PRKCE: variants seen among roughly 807,000 people sequenced by gnomAD.
The protein encoded by PRKCE is protein kinase C epsilon.
PRKCE carries 16 observed loss-of-function variants against 85.4 expected under a neutral mutation model. The observed-to-expected ratio is 0.19, with a 90% confidence interval of 0.13 to 0.28. The LOEUF (loss-of-function observed/expected upper bound fraction) is 0.28. PRKCE is among the 10% of genes least tolerant of loss of function. The probability of loss-of-function intolerance (pLI) is 1.00; values close to 1 mark genes in which losing one functional copy is unlikely to be tolerated. For missense variants in PRKCE, 573 were observed against 975.2 expected (o/e 0.59, Z 5.49); for synonymous variants, 388 against 371.5 (o/e 1.04, Z -0.51).
chr2:46,051,352 C>G (rs369210339), intron 10 of PRKCE, among the ~76,000 whole-genome samples: 2 of 152,180 alleles, frequency 1.3e-5, no homozygotes, highest in Admixed American at 6.5e-5. Context: ...CACCTTCTCT[C>G]TGATCTGTGA....
In PRKCE at chr2:45,958,817, T is replaced by TATATATATATA. The variant is rs1491498471; in HGVS notation, c.413-17612_413-17611insATATATATATA. ...ATATATATATATATATATATATATATTTTTTTTTTTTTTTTTTTTTTTTTT... is the reference window on the plus strand; with the variant it reads ...ATATATATATATATATATATATATATATATATATATATTTTTTTTTTTTTTTTTTTTTTTTT... On this transcript the variant is annotated intron_variant, in intron 2 of 14. Coordinates refer to ENST00000306156, the MANE Select transcript of PRKCE (RefSeq NM_005400.3). Among the ~76,000 whole-genome samples the TATATATATATA allele has an allele frequency of 4.1e-3, 30 of 7,240 alleles. 3 individuals carry two copies. Among genetic ancestry groups the TATATATATATA allele is most frequent in the South Asian group, 0.012 (1 of 84 alleles). The allele number at this position is 7,240 out of a possible 152,430, so 4.7% of individuals were successfully genotyped here.
intron 10 of PRKCE, among the ~76,000 whole-genome samples, chr2:46,047,510 G>A (rs1708599279): frequency 6.6e-6 from 1 of 152,212 alleles, no homozygotes; most frequent in Non-Finnish European, 1.5e-5. Flanking sequence ...GTGGTCAGTG[G>A]AAGGAGGCCT....
At position 46,180,073 on chromosome 2, in the gene PRKCE, T is replaced by G. The variant is rs1303941391; in HGVS notation, c.2068-4662T>G. Among the ~76,000 whole-genome samples, 6 of 152,148 alleles carry G rather than the reference T, an allele frequency of 3.9e-5. No individual in the cohort carries two copies. In the East Asian group the frequency reaches 1.2e-3, roughly 29 times the overall value. ...AACCCAGTCTCTGCCTGCAAGGAGCTCATAGATTAGTTGAAAAGAAGAGGC... is the reference window on the plus strand; with the variant it reads ...AACCCAGTCTCTGCCTGCAAGGAGCGCATAGATTAGTTGAAAAGAAGAGGC... On this transcript the variant is annotated intron_variant, in intron 14 of 14. Transcript: ENST00000306156.
chr2:46,104,194 C>G (rs910930767), intron 11 of PRKCE, among the ~76,000 whole-genome samples: 1 of 152,072 alleles, frequency 6.6e-6, no homozygotes, highest in Non-Finnish European at 1.5e-5. Context: ...GCTTTGGAAG[C>G]CTTCGTCTCC....
intron 1 of PRKCE, among the ~76,000 whole-genome samples, chr2:45,831,367 A>G (rs959682860): frequency 1.3e-5 from 2 of 152,254 alleles, no homozygotes; most frequent in Non-Finnish European, 1.5e-5. Flanking sequence ...CAACCTTGAT[A>G]GGTTAAGAGT....
chr2:45,984,889 C>A (rs1005669640), intron 6 of PRKCE, among the ~76,000 whole-genome samples: 2 of 152,108 alleles, frequency 1.3e-5, no homozygotes, highest in African/African-American at 4.8e-5. Flanking sequence ...AGGGAAACAC[C>A]GAGGAAGGAG....
intron 2 of PRKCE, among the ~76,000 whole-genome samples, chr2:45,918,332 T>C (rs1034732593): frequency 1.3e-5 from 2 of 152,260 alleles, no homozygotes; most frequent in African/African-American, 4.8e-5. Context: ...ATGTAGGCTT[T>C]AGCTTTCTCT....
chr2:45,851,943 C>T (rs1692296533), intron 2 of PRKCE: 1 of 152,292 alleles, frequency 6.6e-6, no homozygotes, highest in African/African-American at 2.4e-5. Flanking sequence ...GGCCTGGGCT[C>T]CCGCAAAATG....
chr2:45,707,013 A>T (rs1345295536), intron 1 of PRKCE, among the ~76,000 whole-genome samples: 1 of 152,176 alleles, frequency 6.6e-6, no homozygotes, highest in Non-Finnish European at 1.5e-5. Context: ...TGACTGGGGA[A>T]CTAGCTCTCT....
At chr2:45,803,428 C>T (rs532972025) in intron 1 of PRKCE, among the ~76,000 whole-genome samples, 1 of 152,336 alleles carries the variant, frequency 6.6e-6, no homozygotes, top group Admixed American at 6.5e-5. Context: ...GGAATTTTGC[C>T]ATATGGACAG....
At chr2:46,116,424 A>G (rs1306297594) in intron 11 of PRKCE, among the ~76,000 whole-genome samples, 1 of 152,244 alleles carries the variant, frequency 6.6e-6, no homozygotes, top group African/African-American at 2.4e-5. Flanking sequence ...GGTTGCTTTC[A>G]TCCTAGTTTC....
intron 1 of PRKCE, among the ~76,000 whole-genome samples, chr2:45,777,185 T>C (rs1685818927): frequency 6.6e-6 from 1 of 152,226 alleles, no homozygotes; most frequent in South Asian, 2.1e-4. Flanking sequence ...TAGTGGGATC[T>C]AACCTTGTTG....
At chr2:46,008,166 G>GT (rs1705363647) in intron 9 of PRKCE, among the ~76,000 whole-genome samples, 1 of 152,170 alleles carries the variant, frequency 6.6e-6, no homozygotes. Flanking sequence ...TGTAATAAAT[G>GT]TTCTGTTTAT....
intron 2 of PRKCE, among the ~76,000 whole-genome samples, chr2:45,921,772 G>A (rs1698268762): frequency 6.6e-6 from 1 of 152,178 alleles, no homozygotes. Context: ...GGGGAGGAGT[G>A]TCATTTTGCT....
intron 2 of PRKCE, among the ~76,000 whole-genome samples, chr2:45,950,212 C>T (rs1459730069): frequency 6.6e-6 from 1 of 152,154 alleles, no homozygotes; most frequent in Non-Finnish European, 1.5e-5. Context: ...TGACCAAAGG[C>T]TGAAGCCGTC....
At chr2:45,822,967 T>G (rs1689656087) in intron 1 of PRKCE, among the ~76,000 whole-genome samples, 2 of 152,208 alleles carry the variant, frequency 1.3e-5, no homozygotes, top group Non-Finnish European at 2.9e-5. Flanking sequence ...TTTCATTTTT[T>G]GATTGGGTTC....
intron 10 of PRKCE, among the ~76,000 whole-genome samples, chr2:46,059,220 TAAGGCTACAGTGAGCCATGATC>T (rs1244019455): frequency 2.4e-5 from 3 of 126,136 alleles, no homozygotes; most frequent in African/African-American, 1.2e-4. Flanking sequence ...CCCAGGAGGT[TAAGGCTACAGTGAGCCATGATC>T]GCGCCGTTGC....
At chr2:46,169,603 G>C (rs1678690433) in intron 14 of PRKCE, among the ~76,000 whole-genome samples, 1 of 152,194 alleles carries the variant, frequency 6.6e-6, no homozygotes. Context: ...GAGATGGAAA[G>C]ATAAGCCCTC....
chr2:46,085,460 A>C (rs1484359894), intron 10 of PRKCE, among the ~76,000 whole-genome samples: 1 of 152,184 alleles, frequency 6.6e-6, no homozygotes, highest in Non-Finnish European at 1.5e-5. Context: ...GTCTAGCATC[A>C]CTGGGCCTAC....
Sources: gnomAD v4.1 joint callset for allele counts (sites outside exome capture counted in the v4.1 genomes callset) on GRCh38, gnomAD v4.1.1 for gene constraint, MANE v1.5 for transcripts, NCBI Gene and HGNC (gene_info 2026-07-23, HGNC 2026-07-21) for gene names.